Variants in DIDO1 observed in about 807,000 individuals in gnomAD.
DIDO1 encodes the protein death-inducer obliterator 1.
In DIDO1, 16 loss-of-function variants were observed where a neutral mutation model predicts 99.4. That is an observed-to-expected ratio of 0.16 (90% CI 0.11 to 0.24). The LOEUF (loss-of-function observed/expected upper bound fraction) is 0.24. DIDO1 is among the 10% of genes least tolerant of loss of function. DIDO1 has a pLI of 1.00. For synonymous variants in DIDO1, 1,366 were observed against 1,239.1 expected, an observed-to-expected ratio of 1.10 and a Z score of -2.15; for missense variants, 2,996 against 3,014.0, an observed-to-expected ratio of 0.99 and a Z score of 0.14.
Position 62,909,931 on chromosome 20 carries a change from T to C in DIDO1, c.929A>G (p.Asn310Ser). The change falls in exon 4 of 16, where the codon AAT (asparagine) becomes AGT (serine). Residue 310 changes from asparagine to serine, a missense_variant. Transcript: ENST00000395343. ...GTTTGGGCAGATATAGTCTTCCCCATTCCTTTCCAAAAGCCTCCCTCGAGC... is the reference window on the plus strand; with the variant it reads ...GTTTGGGCAGATATAGTCTTCCCCACTCCTTTCCAAAAGCCTCCCTCGAGC... ...SEARGRLLER[N>S]GEDYICPNCT... 1.2e-6 allele frequency: 2 copies of C among 1,614,110 alleles called. No individual in the cohort carries two copies. Among genetic ancestry groups the C allele is most frequent in the Non-Finnish European group, 1.7e-6 (2 of 1,180,022 alleles).
At chr20:62,928,010 G>C (rs1324036968), upstream of DIDO1, among the ~76,000 whole-genome samples, 1 of 152,142 alleles carries the variant, frequency 6.6e-6, no homozygotes, top group Non-Finnish European at 1.5e-5. Flanking sequence ...TCTGTTAAAG[G>C]AGGGCTCACA....
chr20:62,915,033 A>C (rs2065014308), intron 1 of DIDO1, among the ~76,000 whole-genome samples: 2 of 152,196 alleles, frequency 1.3e-5, no homozygotes, highest in South Asian at 4.1e-4. Context: ...CCGAGTTTCT[A>C]GCTAGGTCCT....
intron 1 of DIDO1, among the ~76,000 whole-genome samples, chr20:62,922,725 C>A (rs1449161321): frequency 6.6e-6 from 1 of 152,216 alleles, no homozygotes; most frequent in Non-Finnish European, 1.5e-5. Flanking sequence ...GTGACACAGC[C>A]TGTGCTGGCG....
Position 62,882,100 on chromosome 20 carries a change from G to T in DIDO1, c.3856C>A (p.Pro1286Thr), listed in dbSNP as rs929959168. Residue 1286 changes from proline to threonine, a missense_variant, in exon 16 of 16, where the codon CCA becomes ACA. Around this residue, in one of 5 missense-constraint regions of DIDO1, gnomAD observed 1,562 missense variants for 1,412.6 expected, o/e 1.11. Coordinates refer to ENST00000395343, the MANE Select transcript of DIDO1 (RefSeq NM_001193369.2). ...GCTGCTGTTGTGGCTGCTGTGGCTG[G>T]GCTGGGGGCTGCAGGTTTGAGGGAT... ...LSSLKPAAPS[P>T]ATAATTAAAA... 2 of 1,613,324 alleles carry T rather than the reference G, an allele frequency of 1.2e-6. No individual in the cohort carries two copies. The highest frequency in any genetic ancestry group is 4.5e-5 in the East Asian group (2 of 44,884).
In DIDO1 at chr20:62,879,822, C is replaced by CCGAGG; in HGVS notation, c.6133_6134insCCTCG (p.Gly2045AlafsTer231). 6.2e-7 allele frequency: 1 copy of CCGAGG among 1,609,018 alleles called. No individual in the cohort carries two copies. The highest frequency in any genetic ancestry group is 8.5e-7 in the Non-Finnish European group (1 of 1,178,676). ...ACTGGAGGAGAGCGCGGAGGGCGGC[C>CCGAGG]CGGCCTCCTCCCAGCGGTCCTTCCG... On this transcript the variant is annotated frameshift_variant, in exon 16 of 16. Coordinates refer to ENST00000395343, the MANE Select transcript of DIDO1 (RefSeq NM_001193369.2). LOFTEE classifies it low-confidence loss of function (END_TRUNC). This position sits in a 1 kb window ranked among gnomAD's most constrained non-coding sequence, Gnocchi z 6.3.
intron 1 of DIDO1, among the ~76,000 whole-genome samples, chr20:62,916,259 A>G (rs2065035981): frequency 6.6e-6 from 1 of 152,232 alleles, no homozygotes; most frequent in South Asian, 2.1e-4. Flanking sequence ...CTGGGAAGTG[A>G]ACAAACTACA....
In DIDO1 at chr20:62,911,200, G is replaced by A. The variant is rs771987686; in HGVS notation, c.413C>T (p.Ser138Phe). 2.5e-6 allele frequency: 4 copies of A among 1,613,852 alleles called. No individual in the cohort carries two copies. Among genetic ancestry groups the A allele is most frequent in the East Asian group, 4.5e-5 (2 of 44,872 alleles). ...ATCCCCTCCTTTCACCTTTTCAGAA[G>A]AGGCTGGTCGTTCCTTCACAGCTGT... is the stretch of plus-strand genomic sequence containing the variant. Reference protein sequence around the residue: ...ASTAVKERPASSEKVKGGDDH... With the variant: ...ASTAVKERPAFSEKVKGGDDH... The change falls in exon 3 of 16, where the codon TCT (serine) becomes TTT (phenylalanine). Residue 138 changes from serine to phenylalanine, a missense_variant. By Grantham distance (155) the Ser-to-Phe change is radical. This residue lies in a region of DIDO1 where 388 missense variants were observed against 376.6 expected (regional missense o/e 1.03). Coordinates refer to ENST00000395343, the MANE Select transcript of DIDO1 (RefSeq NM_001193369.2). The surrounding 1 kb of genome is among the most constrained non-coding windows in gnomAD (Gnocchi z 7.0).
At chr20:62,925,597 G>A (rs545586405) in intron 1 of DIDO1, among the ~76,000 whole-genome samples, 2 of 152,296 alleles carry the variant, frequency 1.3e-5, no homozygotes, top group African/African-American at 2.4e-5. Context: ...TGCTACCTGT[G>A]GCCCAAACTC....
Position 62,904,780 on chromosome 20 carries a change from CAAAA to C in DIDO1, c.1588+1103_1588+1106del, listed in dbSNP as rs58039393. ...GGGTGACAGAGCAAGACTCTTGTCT[CAAAA>C]AAAAAAAAAAAAAAAAAAAAAAAGT... On this transcript the variant is annotated intron_variant, in intron 6 of 15. Coordinates refer to ENST00000395343, the MANE Select transcript of DIDO1 (RefSeq NM_001193369.2). Among the ~76,000 whole-genome samples the C allele has an allele frequency of 1.8e-3, 114 of 62,616 alleles. 1 individual carries two copies. Among genetic ancestry groups the C allele is most frequent in the African/African-American group, 2.2e-3 (38 of 17,484 alleles). The allele number at this position is 62,616 out of a possible 152,430, so 41.1% of individuals were successfully genotyped here.
At chr20:62,918,090 A>G (rs2065071290) in intron 1 of DIDO1, among the ~76,000 whole-genome samples, 1 of 152,234 alleles carries the variant, frequency 6.6e-6, no homozygotes, top group African/African-American at 2.4e-5. Flanking sequence ...CTACCTGTTA[A>G]TCTTCCCTCA....
intron 1 of DIDO1, among the ~76,000 whole-genome samples, chr20:62,934,676 T>C (rs1032790818): frequency 3.3e-5 from 5 of 152,178 alleles, no homozygotes; most frequent in African/African-American, 1.2e-4. Flanking sequence ...TCACCCCTGC[T>C]CACCACACTC....
At chr20:62,913,907 C>A (rs2064993439) in intron 2 of DIDO1, among the ~76,000 whole-genome samples, 1 of 152,244 alleles carries the variant, frequency 6.6e-6, no homozygotes. Flanking sequence ...TTTAGATCAT[C>A]TCTAGATTAC....
At position 62,880,837 on chromosome 20, in the gene DIDO1, G is replaced by T. The variant is rs749562554; in HGVS notation, c.5119C>A (p.His1707Asn). 1.2e-6 allele frequency: 2 copies of T among 1,612,712 alleles called. No homozygotes were observed. Among genetic ancestry groups the T allele is most frequent in the African/African-American group, 1.3e-5 (1 of 74,948 alleles). The change falls in exon 16 of 16, where the codon CAT becomes AAT. Residue 1707 changes from histidine to asparagine, a missense_variant. His to Asn is a moderately conservative substitution (Grantham distance 68, BLOSUM62 1). Transcript: ENST00000395343. ...GGGCTGCTGCTCCTTCCAGCAGAAT[G>T]AAGATTTCTTGGGTCCTCATACTGG... ...SAQYEDPRNL[H>N]SAGRSSSPAG...
intron 6 of DIDO1, among the ~76,000 whole-genome samples, chr20:62,899,944 T>C (rs905240040): frequency 6.6e-6 from 1 of 152,214 alleles, no homozygotes; most frequent in Non-Finnish European, 1.5e-5. Context: ...CAGAAACTTT[T>C]TAGTGGAGCT....
At chr20:62,919,886 C>T (rs993382746) in intron 1 of DIDO1, among the ~76,000 whole-genome samples, 1 of 152,162 alleles carries the variant, frequency 6.6e-6, no homozygotes, top group East Asian at 1.9e-4. Context: ...ATGCCAGGAA[C>T]CAGAAACAGT....
Position 62,880,806 on chromosome 20 carries a change from C to T in DIDO1, c.5150G>A (p.Gly1717Asp), listed in dbSNP as rs144710754. ...HSAGRSSSPA[G>D]ETEGDREPQA... ...TGGCTCTCTGTCCCCCTCTGTTTCA[C>T]CTGCAGGGCTGCTGCTCCTTCCAGC... is the stretch of plus-strand genomic sequence containing the variant. The change falls in exon 16 of 16, where the codon GGT becomes GAT. Residue 1717 changes from glycine to aspartate, a missense_variant. Coordinates refer to ENST00000395343, the MANE Select transcript of DIDO1 (RefSeq NM_001193369.2). The T allele has an allele frequency of 8.6e-4, 1,379 of 1,612,762 alleles. 5 individuals are homozygous for T. The African/African-American group carries it at 0.016, about 19-fold the overall frequency.
chr20:62,926,105 C>T (rs1450481022), intron 1 of DIDO1, among the ~76,000 whole-genome samples: 1 of 152,162 alleles, frequency 6.6e-6, no homozygotes, highest in Non-Finnish European at 1.5e-5. Flanking sequence ...GCGCTCTTCC[C>T]CGCGAGCGGC....
intron 6 of DIDO1, among the ~76,000 whole-genome samples, chr20:62,898,516 A>G (rs1048089292): frequency 6.6e-6 from 1 of 152,258 alleles, no homozygotes; most frequent in African/African-American, 2.4e-5. Context: ...CCCGACTTTC[A>G]AGATTTCCAT....
rs1883848 is a variant in DIDO1 at position 62,896,954 on chromosome 20, A to G, written c.1631T>C (p.Met544Thr). The stretch of plus-strand genomic sequence containing the variant: ...AGGGGCTGTTTTCTTTGAGGCTGCC[A>G]TGGCTGCCGCTTTCTCCTCGGACCT... ...DRRSEEKAAAMAASKKTAPPG... is the reference protein window; with the variant it reads ...DRRSEEKAAATAASKKTAPPG... Residue 544 changes from methionine (M) to threonine (T), a missense_variant, in exon 7 of 16, where the codon ATG (methionine) becomes ACG (threonine). Physicochemically the swap from Met to Thr is moderately conservative, Grantham distance 81 (BLOSUM62 -1). Around this residue, in one of 5 missense-constraint regions of DIDO1, gnomAD observed 898 missense variants for 972.7 expected, o/e 0.92. Transcript: ENST00000395343. This position sits in a 1 kb window ranked among gnomAD's most constrained non-coding sequence, Gnocchi z 4.4. 681,701 of 1,613,310 alleles carry G rather than the reference A, an allele frequency of 0.42. 146,986 individuals are homozygous for G. The highest frequency in any genetic ancestry group is 0.66 in the East Asian group (29,711 of 44,864).
Sources: allele counts gnomAD v4.1 joint callset (sites outside exome capture counted in the v4.1 genomes callset), GRCh38; gene constraint gnomAD v4.1.1; regional missense constraint gnomAD v4.1.1; non-coding constraint Gnocchi (gnomAD v3.1); transcripts MANE v1.5; gene names NCBI Gene and HGNC (gene_info 2026-07-23, HGNC 2026-07-21).